ENGASE: variants seen among roughly 807,000 people sequenced by gnomAD.
The protein encoded by ENGASE is endo-beta-N-acetylglucosaminidase, also known as cytosolic endo-beta-N-acetylglucosaminidase.
ENGASE carries 69 observed loss-of-function variants against 78.5 expected under a neutral mutation model. That is an observed-to-expected ratio of 0.88 (90% CI 0.72 to 1.07). The LOEUF (loss-of-function observed/expected upper bound fraction) is 1.07. Ranked by LOEUF, ENGASE falls within the 50% of genes least tolerant of loss-of-function variation. The pLI is 0.00. For missense variants in ENGASE, 943 were observed against 988.4 expected, an observed-to-expected ratio of 0.95 and a Z score of 0.62; for synonymous variants, 408 against 408.9, an observed-to-expected ratio of 1.00 and a Z score of 0.03.
rs1002915632 is a variant in ENGASE, at chr17:79,086,474, G to C, written c.*125G>C. ...CAGCGAGGTCCCGGTCCCGGGGCTGGGGTGGGAGACCCCGGGCTGAGTGCT... is the reference window on the plus strand; with the variant it reads ...CAGCGAGGTCCCGGTCCCGGGGCTGCGGTGGGAGACCCCGGGCTGAGTGCT... On this transcript the variant is annotated 3_prime_UTR_variant, in exon 14 of 14. Transcript: ENST00000579016. 3 of 1,238,442 alleles carry C rather than the reference G, an allele frequency of 2.4e-6. No individual in the cohort carries two copies. The highest frequency in any genetic ancestry group is 3.0e-5 in the African/African-American group (2 of 65,760). The allele number at this position is 1,238,442 out of a possible 1,614,324, so 76.7% of individuals were successfully genotyped here. A position where few individuals can be genotyped will look rare whatever the true frequency, so the allele number is the denominator to read the frequency against.
rs764220523 is a variant in ENGASE at position 79,086,823 on chromosome 17, C to T, written c.*474C>T. 2.4e-6 allele frequency: 1 copy of T among 412,174 alleles called. No individual in the cohort carries two copies. The highest frequency in any genetic ancestry group is 4.9e-6 in the Non-Finnish European group (1 of 204,858). 25.5% of individuals were successfully genotyped at this position (412,174 alleles called of 1,614,324 possible). A position where few individuals can be genotyped will look rare whatever the true frequency, so the allele number is the denominator to read the frequency against. ...TTCTGAGCATGAGGACGAGCTACAG[C>T]AGCTCCTGGGGTGGGGCTGCCTGCG... On this transcript the variant is annotated 3_prime_UTR_variant, in exon 14 of 14. Transcript: ENST00000579016.
Position 79,080,987 on chromosome 17 carries a change from G to A in ENGASE, c.786G>A (p.Gln262=), listed in dbSNP as rs746733539. ...LRYLTTQLHR[Q]VPGGLVLWYD... ...ACCTCACCACACAGCTGCACCGGCAGGTCCCAGGGGGCCTGGTGCTCTGGT... is the reference window on the plus strand; with the variant it reads ...ACCTCACCACACAGCTGCACCGGCAAGTCCCAGGGGGCCTGGTGCTCTGGT... Residue 262 remains glutamine, a synonymous_variant, in exon 6 of 14, where the codon CAG becomes CAA. Transcript: ENST00000579016. 1.9e-6 allele frequency: 3 copies of A among 1,613,294 alleles called. No individual in the cohort carries two copies. The highest frequency in any genetic ancestry group is 2.5e-6 in the Non-Finnish European group (3 of 1,179,982).
rs1266445044 is a variant in ENGASE at position 79,086,932 on chromosome 17, C to A, written c.*583C>A. On this transcript the variant is annotated 3_prime_UTR_variant, in exon 14 of 14. Transcript: ENST00000579016. Reference sequence around the variant, plus strand: ...CTGAGGAGTGGGCATTCTGGGCCAGCCGGCGCTGGCTTCGTGCCTCCACGT... The same window carrying A: ...CTGAGGAGTGGGCATTCTGGGCCAGACGGCGCTGGCTTCGTGCCTCCACGT... The A allele has an allele frequency of 6.4e-6, 3 of 469,968 alleles. No individual in the cohort carries two copies. The highest frequency in any genetic ancestry group is 4.3e-6 in the Non-Finnish European group (1 of 235,208). 29.1% of individuals were successfully genotyped at this position (469,968 alleles called of 1,614,324 possible).
At chr17:79,084,729 A>G (rs2073242725) in intron 11 of ENGASE, 43 bp downstream of exon 11, 1 of 1,597,226 alleles carries the variant, frequency 6.3e-7, no homozygotes, top group African/African-American at 1.4e-5. Flanking sequence ...CAGGGCGGAG[A>G]GCTCAGGGAA....
intron 7 of ENGASE, 154 bp downstream of exon 7, chr17:79,082,217 C>G: frequency 1.9e-6 from 3 of 1,553,280 alleles, no homozygotes; most frequent in East Asian, 2.4e-5. Flanking sequence ...AAACAGGTGT[C>G]CTGCCCCGGC....
chr17:79,078,770 C>T (rs1017705843), intron 3 of ENGASE, among the ~76,000 whole-genome samples: 2 of 152,190 alleles, frequency 1.3e-5, no homozygotes, highest in African/African-American at 2.4e-5. Flanking sequence ...AAACCTTGGG[C>T]GCAGCTCACA....
intron 11 of ENGASE, 108 bp downstream of exon 11, chr17:79,084,794 G>T (rs1295185362): frequency 1.6e-6 from 2 of 1,264,772 alleles, no homozygotes; most frequent in African/African-American, 1.5e-5. Flanking sequence ...GGACAGTGGG[G>T]GGGTACATCC....
At chr17:79,084,266 C>A in intron 10 of ENGASE, 1 of 507,200 alleles carries the variant, frequency 2.0e-6, no homozygotes, top group Non-Finnish European at 3.4e-6. Context: ...CAAAGCCACC[C>A]CTTTACTCTG....
chr17:79,079,198 C>T (rs1436772601), intron 3 of ENGASE, among the ~76,000 whole-genome samples: 1 of 152,202 alleles, frequency 6.6e-6, no homozygotes, highest in Non-Finnish European at 1.5e-5. Context: ...GGGTCTTACT[C>T]TGTCACCCAG....
chr17:79,084,891 C>T lies in ENGASE; in HGVS notation c.1591+205C>T, dbSNP rs75315684. ...AGCCACAGCCTCTGTCCTGTGTCCTCGTCGGGCAGCTGAGGCTCCTGTGCA... is the reference window on the plus strand; with the variant it reads ...AGCCACAGCCTCTGTCCTGTGTCCTTGTCGGGCAGCTGAGGCTCCTGTGCA... On this transcript the variant is annotated intron_variant, in intron 11 of 13. Coordinates refer to ENST00000579016, the MANE Select transcript of ENGASE (RefSeq NM_001042573.3). Among the ~76,000 whole-genome samples, 50 of 152,248 alleles carry T rather than the reference C, an allele frequency of 3.3e-4. No homozygotes were observed. In the East Asian group the frequency reaches 8.9e-3, roughly 27 times the overall value.
Position 79,086,450 on chromosome 17 carries a change from A to G in ENGASE, c.*101A>G. On this transcript the variant is annotated 3_prime_UTR_variant, in exon 14 of 14. Transcript: ENST00000579016. ...GGACCTGCTAAGTGCCCACAGTGGC[A>G]GCGAGGTCCCGGTCCCGGGGCTGGG... is the stretch of plus-strand genomic sequence containing the variant. The G allele has an allele frequency of 7.1e-7, 1 of 1,404,848 alleles. No individual in the cohort carries two copies. The allele number at this position is 1,404,848 out of a possible 1,614,324, so 87.0% of individuals were successfully genotyped here. A position where few individuals can be genotyped will look rare whatever the true frequency, so the allele number is the denominator to read the frequency against.
In ENGASE at chr17:79,086,813, C is replaced by T. The variant is rs910865520; in HGVS notation, c.*464C>T. On this transcript the variant is annotated 3_prime_UTR_variant, in exon 14 of 14. Transcript: ENST00000579016. ...GCCGAGACATTTCTGAGCATGAGGA[C>T]GAGCTACAGCAGCTCCTGGGGTGGG... 2.8e-5 allele frequency: 11 copies of T among 393,364 alleles called. No homozygotes were observed. The highest frequency in any genetic ancestry group is 4.2e-5 in the African/African-American group (2 of 48,100). The allele number at this position is 393,364 out of a possible 1,614,324, so 24.4% of individuals were successfully genotyped here.
chr17:79,082,267 C>G (rs2073163868), intron 7 of ENGASE: 1 of 1,518,866 alleles, frequency 6.6e-7, no homozygotes, highest in Non-Finnish European at 8.8e-7. Context: ...CCGGCTATTT[C>G]TACAATCAGA....
Position 79,088,558 on chromosome 17 carries a change from C to T in ENGASE, c.*2209C>T, listed in dbSNP as rs2073403587. ...CGGCGTTTAAGCCTGTGCCCCTCTGCTGGGTGTAACTGCGCTGAAATAAAT... is the reference window on the plus strand; with the variant it reads ...CGGCGTTTAAGCCTGTGCCCCTCTGTTGGGTGTAACTGCGCTGAAATAAAT... On this transcript the variant is annotated 3_prime_UTR_variant, in exon 14 of 14. Transcript: ENST00000579016. 6.6e-6 allele frequency: 1 copy of T among 152,236 alleles called. No homozygotes were observed. Among genetic ancestry groups the T allele is most frequent in the South Asian group, 2.1e-4 (1 of 4,838 alleles). The allele number at this position is 152,236 out of a possible 1,614,324, so 9.4% of individuals were successfully genotyped here. A position where few individuals can be genotyped will look rare whatever the true frequency, so the allele number is the denominator to read the frequency against.
intron 4 of ENGASE, among the ~76,000 whole-genome samples, chr17:79,079,945 A>C (rs1160300102): frequency 6.6e-6 from 1 of 152,258 alleles, no homozygotes; most frequent in Non-Finnish European, 1.5e-5. Flanking sequence ...GCATCGGCCC[A>C]AGGGCCACGG....
intron 7 of ENGASE, 30 bp from the exon 8 acceptor site, chr17:79,082,990 T>C (rs774560857): frequency 6.2e-7 from 1 of 1,608,744 alleles, no homozygotes; most frequent in South Asian, 1.1e-5. Context: ...CTGGTCCTGA[T>C]GTGCCCAGCG....
intron 13 of ENGASE, 39 bp downstream of exon 13, chr17:79,085,773 T>C: frequency 3.1e-6 from 5 of 1,607,598 alleles, no homozygotes; most frequent in Admixed American, 1.7e-5. Context: ...GGCTGGCTGT[T>C]TGTCCAGCTG....
chr17:79,082,778 G>GCCCCTGCC, intron 7 of ENGASE: 2 of 1,473,486 alleles, frequency 1.4e-6, no homozygotes, highest in South Asian at 1.2e-5. Context: ...TTGGGGCCCA[G>GCCCCTGCC]CCCCTGCCCC....
chr17:79,079,140 T>G (rs1404975609), intron 3 of ENGASE, among the ~76,000 whole-genome samples: 1 of 152,190 alleles, frequency 6.6e-6, no homozygotes, highest in African/African-American at 2.4e-5. Flanking sequence ...GTCCTTATTC[T>G]GCTTCCTGGG....
Sources: gnomAD v4.1 joint callset for allele counts (sites outside exome capture counted in the v4.1 genomes callset) on GRCh38, gnomAD v4.1.1 for gene constraint, MANE v1.5 for transcripts, NCBI Gene and HGNC (gene_info 2026-07-23, HGNC 2026-07-21) for gene names.